The following RPS6KA1 variants were observed in gnomAD, a reference collection of about 807,000 sequenced individuals.
The protein encoded by RPS6KA1 is ribosomal protein S6 kinase alpha-1.
RPS6KA1 carries 48 observed loss-of-function variants against 91.3 expected under a neutral mutation model. The ratio of observed to expected loss-of-function variants is 0.53; its 90% CI spans 0.42 to 0.67. The LOEUF (loss-of-function observed/expected upper bound fraction) is 0.67. Among genes scored for constraint, RPS6KA1 ranks in the 30% least tolerant of loss-of-function variants. RPS6KA1 has a pLI of 0.00. For missense variants in RPS6KA1, 719 were observed against 960.5 expected (o/e 0.75, Z 3.32); for synonymous variants, 359 against 384.7 (o/e 0.93, Z 0.78).
At chr1:26,549,760 GGT>G (rs1273445825) in intron 4 of RPS6KA1, among the ~76,000 whole-genome samples, 1 of 148,764 alleles carries the variant, frequency 6.7e-6, no homozygotes, top group African/African-American at 2.5e-5. Context: ...GGAGGGCAGT[GGT>G]GTGATCTCGG....
chr1:26,560,642 T>G, intron 14 of RPS6KA1, 84 bp from the exon 15 acceptor site: 1 of 1,568,462 alleles, frequency 6.4e-7, no homozygotes, highest in Non-Finnish European at 8.7e-7. Flanking sequence ...GTGCTGTCTC[T>G]ACTGAGCCAA....
rs769858540 is a variant in RPS6KA1 at position 26,571,810 on chromosome 1, GC to G, written c.1753-32del. 8.8e-6 allele frequency: 14 copies of G among 1,585,992 alleles called. No homozygotes were observed. Among genetic ancestry groups the G allele is most frequent in the African/African-American group, 4.0e-5 (3 of 74,400 alleles). On this transcript the variant is annotated intron_variant, in intron 18 of 21. Transcript: ENST00000374168. The surrounding 1 kb of genome is among the most constrained non-coding windows in gnomAD (Gnocchi z 5.1). ...GAAACATCTGTGGCGACTTTCTACT[GC>G]CCCCCCAGACTGACCACCTCCCCTG...
At chr1:26,553,338 C>T in intron 6 of RPS6KA1, 53 bp from the exon 7 acceptor site, 1 of 1,309,378 alleles carries the variant, frequency 7.6e-7, no homozygotes, top group Non-Finnish European at 1.1e-6. Context: ...CCCAGTGCCC[C>T]AGCTCTTAAG....
chr1:26,557,647 C>T (rs2076114362), intron 13 of RPS6KA1, among the ~76,000 whole-genome samples: 1 of 152,256 alleles, frequency 6.6e-6, no homozygotes, highest in South Asian at 2.1e-4. Flanking sequence ...TGGGAAGGAA[C>T]CTGGTGAATC....
chr1:26,544,252 G>T (rs542423717), intron 2 of RPS6KA1: 167 of 454,434 alleles, frequency 3.7e-4, no homozygotes, highest in Non-Finnish European at 6.7e-4. Flanking sequence ...TCTGTGGTTG[G>T]GTTCCAATCT....
At chr1:26,538,406 G>A (rs1042688951) in intron 2 of RPS6KA1, among the ~76,000 whole-genome samples, 2 of 152,170 alleles carry the variant, frequency 1.3e-5, no homozygotes, top group African/African-American at 4.8e-5. Flanking sequence ...AGAACTGGAG[G>A]AGCTTACTGG....
intron 4 of RPS6KA1, among the ~76,000 whole-genome samples, chr1:26,549,144 G>A (rs2076022989): frequency 6.7e-6 from 1 of 150,358 alleles, no homozygotes; most frequent in South Asian, 2.1e-4. Flanking sequence ...AAGGCTTTGG[G>A]ACTATGAGGC....
chr1:26,530,798 A>G (rs2075861907), intron 1 of RPS6KA1: 2 of 1,288,724 alleles, frequency 1.6e-6, no homozygotes, highest in Non-Finnish European at 2.0e-6. Context: ...CTAAGCGTGC[A>G]GAAGGCCACC....
Position 26,554,198 on chromosome 1 carries a change from T to C in RPS6KA1, c.576-16T>C. On this transcript the variant is annotated splice_polypyrimidine_tract_variant and intron_variant, in intron 7 of 21. Coordinates refer to ENST00000374168, the MANE Select transcript of RPS6KA1 (RefSeq NM_002953.4). The surrounding 1 kb of genome is among the most constrained non-coding windows in gnomAD (Gnocchi z 4.6). ...GCCACAGCTGAGGGGCCCTGACCAC[T>C]ATTTCTCTATTACAGCATCCTTCTG... The C allele has an allele frequency of 6.4e-7, 1 of 1,552,738 alleles. No individual in the cohort carries two copies. The highest frequency in any genetic ancestry group is 8.7e-7 in the Non-Finnish European group (1 of 1,147,600).
chr1:26,549,499 G>A (rs2076026761), intron 4 of RPS6KA1, among the ~76,000 whole-genome samples: 2 of 151,784 alleles, frequency 1.3e-5, no homozygotes, highest in Admixed American at 1.3e-4. Flanking sequence ...AACCTGGGAG[G>A]CAAAGGTTGC....
intron 1 of RPS6KA1, among the ~76,000 whole-genome samples, chr1:26,533,354 C>T (rs2075881791): frequency 6.6e-6 from 1 of 152,096 alleles, no homozygotes; most frequent in Admixed American, 6.5e-5. Flanking sequence ...CCTCAGCCTC[C>T]CAAAGTGCTG....
Position 26,547,376 on chromosome 1 carries a change from G to T in RPS6KA1, c.307+106G>T. ...AAGGGAGACAGCTCTGTCTTCAGGA[G>T]CACCTAGTTCAAAGGTGGAGAAACA... On this transcript the variant is annotated intron_variant, in intron 4 of 21. Coordinates refer to ENST00000374168, the MANE Select transcript of RPS6KA1 (RefSeq NM_002953.4). The surrounding 1 kb of genome is among the most constrained non-coding windows in gnomAD (Gnocchi z 4.1). 2.3e-6 allele frequency: 2 copies of T among 858,364 alleles called. No individual in the cohort carries two copies. Among genetic ancestry groups the T allele is most frequent in the Non-Finnish European group, 3.8e-6 (2 of 531,986 alleles). The allele number at this position is 858,364 out of a possible 1,614,324, so 53.2% of individuals were successfully genotyped here. A position where few individuals can be genotyped will look rare whatever the true frequency, so the allele number is the denominator to read the frequency against.
intron 1 of RPS6KA1, among the ~76,000 whole-genome samples, chr1:26,533,302 T>A (rs936646109): frequency 6.6e-6 from 1 of 152,150 alleles, no homozygotes; most frequent in Non-Finnish European, 1.5e-5. Flanking sequence ...ATGGTCTCGA[T>A]CTCTTGACCT....
At chr1:26,530,924 G>C (rs1570413707) in intron 1 of RPS6KA1, 2 of 1,215,296 alleles carry the variant, frequency 1.6e-6, no homozygotes, top group East Asian at 1.2e-4. Context: ...CTTCCCAGGT[G>C]GTTGTTGGGG....
intron 2 of RPS6KA1, chr1:26,546,127 G>C: frequency 6.9e-7 from 1 of 1,456,122 alleles, no homozygotes. Context: ...GCTTTGGGCT[G>C]TCCTGGCCCA....
In RPS6KA1 at chr1:26,554,777, C is replaced by G; in HGVS notation, c.756+39C>G. On this transcript the variant is annotated intron_variant, in intron 9 of 21. Transcript: ENST00000374168. This position sits in a 1 kb window ranked among gnomAD's most constrained non-coding sequence, Gnocchi z 4.6. ...CAGGGGTAAAGGATCCAGCCCAAGC[C>G]TCTGGCCTCAGTCTCCCTATCTGTA... is the stretch of plus-strand genomic sequence containing the variant. 1 of 1,567,348 alleles carries G rather than the reference C, an allele frequency of 6.4e-7. No individual in the cohort carries two copies. Among genetic ancestry groups the G allele is most frequent in the Non-Finnish European group, 8.7e-7 (1 of 1,150,840 alleles).
At chr1:26,537,973 C>T (rs144022051) in intron 2 of RPS6KA1, among the ~76,000 whole-genome samples, 69 of 152,308 alleles carry the variant, frequency 4.5e-4, no homozygotes, top group Admixed American at 1.0e-3. Flanking sequence ...GCCAGTGACC[C>T]CACCTTCCAG....
intron 17 of RPS6KA1, among the ~76,000 whole-genome samples, chr1:26,566,250 G>T (rs368815117): frequency 4.0e-5 from 6 of 150,174 alleles, no homozygotes; most frequent in African/African-American, 1.5e-4. Context: ...TTGCCATTCT[G>T]GTGGGTGTGG....
chr1:26,559,152 G>A (rs1268148559), intron 14 of RPS6KA1, among the ~76,000 whole-genome samples: 2 of 152,186 alleles, frequency 1.3e-5, no homozygotes, highest in Non-Finnish European at 2.9e-5. Flanking sequence ...ACAGAGCCAG[G>A]GTCTGGGTAC....
Sources: gnomAD v4.1 joint callset for allele counts (sites outside exome capture counted in the v4.1 genomes callset) on GRCh38, gnomAD v4.1.1 for gene constraint, Gnocchi (gnomAD v3.1) non-coding constraint, MANE v1.5 for transcripts, NCBI Gene and HGNC (gene_info 2026-07-23, HGNC 2026-07-21) for gene names.